HS6ST1: variants seen among roughly 807,000 people sequenced by gnomAD.
HS6ST1 encodes the protein heparan-sulfate 6-O-sulfotransferase 1.
In HS6ST1, 3 loss-of-function variants were observed where a neutral mutation model predicts 25.2. The observed-to-expected ratio is 0.12, with a 90% CI of 0.05 to 0.31. The LOEUF (loss-of-function observed/expected upper bound fraction) is 0.31. HS6ST1 is among the 10% of genes least tolerant of loss of function. The pLI is 1.00. For synonymous variants in HS6ST1, 204 were observed against 275.1 expected (o/e 0.74, Z 2.56); for missense variants, 310 against 609.6 (o/e 0.51, Z 5.18).
At chr2:128,309,245 G>C (rs1310396945) in intron 1 of HS6ST1, among the ~76,000 whole-genome samples, 1 of 152,244 alleles carries the variant, frequency 6.6e-6, no homozygotes, top group Non-Finnish European at 1.5e-5. Flanking sequence ...GTGAAGGATA[G>C]TGTGGAGCTT....
At chr2:128,310,820 T>G (rs1271743103) in intron 1 of HS6ST1, among the ~76,000 whole-genome samples, 2 of 152,038 alleles carry the variant, frequency 1.3e-5, no homozygotes, top group African/African-American at 2.4e-5. Flanking sequence ...AAGGGGCACT[T>G]TCAGGAAAGG....
chr2:128,273,555 T>C (rs1367267648), intron 1 of HS6ST1, among the ~76,000 whole-genome samples: 1 of 152,194 alleles, frequency 6.6e-6, no homozygotes, highest in East Asian at 1.9e-4. Context: ...GCCAGAGGCG[T>C]CCAGTCCCAT....
chr2:128,274,382 G>A (rs948103792), intron 1 of HS6ST1, among the ~76,000 whole-genome samples: 18 of 152,262 alleles, frequency 1.2e-4, no homozygotes, highest in African/African-American at 4.3e-4. Context: ...TTGGAGCACG[G>A]TCTTCAAAAG....
chr2:128,272,053 G>A (rs1693616497), intron 1 of HS6ST1, among the ~76,000 whole-genome samples: 2 of 152,192 alleles, frequency 1.3e-5, no homozygotes. Flanking sequence ...TGGTGGTGAG[G>A]GCAGCCATGG....
Position 128,268,449 on chromosome 2 carries a change from T to A in HS6ST1, c.949A>T (p.Met317Leu). The A allele has an allele frequency of 6.2e-7, 1 of 1,613,580 alleles. No homozygotes were observed. Among genetic ancestry groups the A allele is most frequent in the South Asian group, 1.1e-5 (1 of 91,080 alleles). Reference sequence around the variant, plus strand: ...CCCGCCCGCGTGCTATTGTACTGCATGAAGGGCCGGATGAACTTGAGGTTG... The same window carrying A: ...CCCGCCCGCGTGCTATTGTACTGCAAGAAGGGCCGGATGAACTTGAGGTTG... ...TFNLKFIRPF[M>L]QYNSTRAGGV... Residue 317 changes from methionine (M) to leucine (L), a missense_variant, in exon 2 of 2, where the codon ATG becomes TTG. By Grantham distance (15) the Met-to-Leu change is conservative. Around this residue, in one of 5 missense-constraint regions of HS6ST1, gnomAD observed 140 missense variants for 176.5 expected, o/e 0.79. Transcript: ENST00000259241.
chr2:128,276,240 G>A (rs1693692322), intron 1 of HS6ST1, among the ~76,000 whole-genome samples: 1 of 152,136 alleles, frequency 6.6e-6, no homozygotes, highest in South Asian at 2.1e-4. Flanking sequence ...CAATTCTCCC[G>A]CCTCAGCCTC....
intron 1 of HS6ST1, among the ~76,000 whole-genome samples, chr2:128,294,096 CCT>C (rs1012987035): frequency 2.0e-5 from 3 of 152,182 alleles, no homozygotes; most frequent in Admixed American, 2.0e-4. Context: ...TGGCCCAGAC[CCT>C]CTGCTGGAAA....
chr2:128,308,159 A>ATG (rs143999310), intron 1 of HS6ST1, among the ~76,000 whole-genome samples: 118 of 149,954 alleles, frequency 7.9e-4, no homozygotes, highest in Admixed American at 2.2e-3. Context: ...GGCAGGAAAC[A>ATG]TGTGAAACGC....
At chr2:128,300,339 GA>G (rs922953889) in intron 1 of HS6ST1, among the ~76,000 whole-genome samples, 4 of 152,174 alleles carry the variant, frequency 2.6e-5, no homozygotes, top group African/African-American at 9.7e-5. Context: ...CACTGGAGAA[GA>G]GGGGGGGACC....
chr2:128,305,255 A>ACGTTGCCAGCC (rs1258044861), intron 1 of HS6ST1, among the ~76,000 whole-genome samples: 2 of 152,166 alleles, frequency 1.3e-5, no homozygotes, highest in Non-Finnish European at 2.9e-5. Flanking sequence ...TCTGCTGGGA[A>ACGTTGCCAGCC]CGTTGCCAGC....
Position 128,268,882 on chromosome 2 carries a change from C to T in HS6ST1, c.528-12G>A, listed in dbSNP as rs750823789. On this transcript the variant is annotated splice_polypyrimidine_tract_variant and intron_variant, in intron 1 of 1. Transcript: ENST00000259241. ...TGTAGTAGAACTTCCTGCAAGGAGACGGGGAGAGGAGGTGAGGGCTGTGAC... is the reference window on the plus strand; with the variant it reads ...TGTAGTAGAACTTCCTGCAAGGAGATGGGGAGAGGAGGTGAGGGCTGTGAC... 25 of 1,600,854 alleles carry T rather than the reference C, an allele frequency of 1.6e-5. No homozygotes were observed. Among genetic ancestry groups the T allele is most frequent in the Admixed American group, 5.0e-5 (3 of 59,962 alleles).
At chr2:128,278,941 G>A (rs1397292815) in intron 1 of HS6ST1, among the ~76,000 whole-genome samples, 3 of 150,994 alleles carry the variant, frequency 2.0e-5, no homozygotes, top group Non-Finnish European at 4.4e-5. Flanking sequence ...TTTCTATATT[G>A]TCTGTAATTA....
At chr2:128,313,799 T>C (rs1379537550) in intron 1 of HS6ST1, among the ~76,000 whole-genome samples, 1 of 151,894 alleles carries the variant, frequency 6.6e-6, no homozygotes. Flanking sequence ...CCCAGTTTTA[T>C]GCGTGAAGTG....
In HS6ST1 at chr2:128,318,502, A is replaced by G; in HGVS notation, c.62T>C (p.Val21Ala). 1 of 1,542,020 alleles carries G rather than the reference A, an allele frequency of 6.5e-7. No individual in the cohort carries two copies. The highest frequency in any genetic ancestry group is 8.7e-7 in the Non-Finnish European group (1 of 1,148,124). ...MVERASKFVL[V>A]VAGSVCFMLI... is the part of the protein sequence containing the mutation. ...CATGAAGCACACCGAGCCCGCCACC[A>G]CCAGCACGAACTTGCTGGCGCGCTC... The change falls in exon 1 of 2, where the codon GTG becomes GCG. Residue 21 changes from valine to alanine, a missense_variant. Physicochemically the swap from Val to Ala is moderately conservative, Grantham distance 64. Transcript: ENST00000259241. This position sits in a 1 kb window ranked among gnomAD's most constrained non-coding sequence, Gnocchi z 5.7.
rs3851898 is a variant in HS6ST1 at position 128,266,584 on chromosome 2, C to T, written c.*1578G>A. The T allele has an allele frequency of 2.6e-5, 4 of 152,438 alleles. No homozygotes were observed. Among genetic ancestry groups the T allele is most frequent in the Middle Eastern group, 3.4e-3 (1 of 294 alleles). The allele number at this position is 152,438 out of a possible 1,614,324, so 9.4% of individuals were successfully genotyped here. A position where few individuals can be genotyped will look rare whatever the true frequency, so the allele number is the denominator to read the frequency against. On this transcript the variant is annotated 3_prime_UTR_variant, in exon 2 of 2. Transcript: ENST00000259241. ...TGCAGAAGGCGCTTGCTCCCAAGCC[C>T]GTGGTGACCCACGTCTCCACCCCAT...
chr2:128,284,334 T>G (rs1693829252), intron 1 of HS6ST1, among the ~76,000 whole-genome samples: 2 of 151,966 alleles, frequency 1.3e-5, no homozygotes, highest in Admixed American at 1.3e-4. Context: ...CTTGCCTCCC[T>G]CCCACCTGTT....
At chr2:128,282,645 G>C (rs1693805365) in intron 1 of HS6ST1, among the ~76,000 whole-genome samples, 2 of 152,214 alleles carry the variant, frequency 1.3e-5, no homozygotes, top group Non-Finnish European at 2.9e-5. Context: ...GAAGTGGCAG[G>C]GTGGGGACAA....
intron 1 of HS6ST1, among the ~76,000 whole-genome samples, chr2:128,281,177 G>A (rs888483417): frequency 6.6e-6 from 1 of 152,244 alleles, no homozygotes; most frequent in Non-Finnish European, 1.5e-5. Context: ...AGGCACCTGG[G>A]TCTGGACAGG....
At chr2:128,300,699 A>G (rs1249662765) in intron 1 of HS6ST1, among the ~76,000 whole-genome samples, 2 of 152,170 alleles carry the variant, frequency 1.3e-5, no homozygotes, top group Admixed American at 1.3e-4. Context: ...GATGCCCAGG[A>G]CTGGGCCCAA....
Sources: gnomAD v4.1 joint callset for allele counts (sites outside exome capture counted in the v4.1 genomes callset) on GRCh38, gnomAD v4.1.1 for gene constraint, gnomAD v4.1.1 regional missense constraint, Gnocchi (gnomAD v3.1) non-coding constraint, MANE v1.5 for transcripts, NCBI Gene and HGNC (gene_info 2026-07-23, HGNC 2026-07-21) for gene names.